Variants in ARPP19 observed in about 807,000 individuals in gnomAD.
ARPP19 encodes the protein cAMP regulated phosphoprotein 19.
ARPP19 carries 8 observed loss-of-function variants against 12.0 expected under a neutral mutation model. The ratio of observed to expected loss-of-function variants is 0.67; its 90% confidence interval spans 0.39 to 1.21. The LOEUF is 1.21. ARPP19 is among the 50% of genes most tolerant of loss of function. The probability of loss-of-function intolerance (pLI) is 0.01; values close to 1 mark genes in which losing one functional copy is unlikely to be tolerated. For missense variants in ARPP19, 102 were observed against 136.3 expected (o/e 0.75, Z 1.25); for synonymous variants, 47 against 50.4 (o/e 0.93, Z 0.29).
chr15:52,567,666 CAAAT>C (rs1437592807), intron 1 of ARPP19, among the ~76,000 whole-genome samples: 1 of 152,112 alleles, frequency 6.6e-6, no homozygotes, highest in African/African-American at 2.4e-5. Context: ...GGGATATTCT[CAAAT>C]AATGTGGTAA....
Position 52,568,846 on chromosome 15 carries a change from A to C in ARPP19, c.45+2T>G. ...CCCAGGGCTCACGCCCCGCGCGCTC[A>C]CCTTCTGCTCCTCCGCGGAGGCTGC... On this transcript the variant is annotated splice_donor_variant, in intron 1 of 2. Transcript: ENST00000249822. LOFTEE classifies it high-confidence loss of function. 1 of 1,569,620 alleles carries C rather than the reference A, an allele frequency of 6.4e-7. No individual in the cohort carries two copies. Among genetic ancestry groups the C allele is most frequent in the Non-Finnish European group, 8.6e-7 (1 of 1,162,188 alleles).
rs1023656906 is a variant in ARPP19 at position 52,551,343 on chromosome 15, A to T, written c.*591T>A. 5 of 152,748 alleles carry T rather than the reference A, an allele frequency of 3.3e-5. No homozygotes were observed. Among genetic ancestry groups the T allele is most frequent in the African/African-American group, 1.2e-4 (5 of 41,472 alleles). 9.5% of individuals were successfully genotyped at this position (152,748 alleles called of 1,614,324 possible). On this transcript the variant is annotated 3_prime_UTR_variant, in exon 3 of 3. Transcript: ENST00000249822. ...TTCAACGGCAGCTGTTAAGCACTAGAGTCACATAAGTTACACCAGAATGGG... is the reference window on the plus strand; with the variant it reads ...TTCAACGGCAGCTGTTAAGCACTAGTGTCACATAAGTTACACCAGAATGGG...
Position 52,550,964 on chromosome 15 carries a change from A to G in ARPP19, c.*970T>C, listed in dbSNP as rs1188005124. The G allele has an allele frequency of 6.5e-6, 1 of 152,722 alleles. No homozygotes were observed. The highest frequency in any genetic ancestry group is 2.4e-5 in the African/African-American group (1 of 41,482). The allele number at this position is 152,722 out of a possible 1,614,324, so 9.5% of individuals were successfully genotyped here. A position where few individuals can be genotyped will look rare whatever the true frequency, so the allele number is the denominator to read the frequency against. The stretch of plus-strand genomic sequence containing the variant: ...TGCCTAAGCAACATATCGTATTTGC[A>G]CAAGGCCACTGAATGTCATGGATAT... On this transcript the variant is annotated 3_prime_UTR_variant, in exon 3 of 3. Transcript: ENST00000249822.
At chr15:52,569,036 G>A, upstream of ARPP19, 1 of 629,250 alleles carries the variant, frequency 1.6e-6, no homozygotes, top group Non-Finnish European at 2.8e-6. Context: ...ATGACGACAC[G>A]GAGCCGCGAA....
chr15:52,557,098 AC>A lies in ARPP19; in HGVS notation c.168+1del. 1 of 1,611,670 alleles carries A rather than the reference AC, an allele frequency of 6.2e-7. No homozygotes were observed. The highest frequency in any genetic ancestry group is 8.5e-7 in the Non-Finnish European group (1 of 1,179,772). On this transcript the variant is annotated splice_donor_variant, in intron 2 of 2. Transcript: ENST00000249822. LOFTEE classifies it high-confidence loss of function. ...ATTTGGAAATTACCCATGAGAACTTACCCCTTTCTGCAACCGTTTCCTTAAG... is the reference window on the plus strand; with the variant it reads ...ATTTGGAAATTACCCATGAGAACTTACCCTTTCTGCAACCGTTTCCTTAAG...
chr15:52,568,946 G>A lies in ARPP19; in HGVS notation c.-54C>T, dbSNP rs953406710. 1.2e-5 allele frequency: 14 copies of A among 1,147,638 alleles called. No homozygotes were observed. The highest frequency in any genetic ancestry group is 2.4e-4 in the Middle Eastern group (1 of 4,154). 71.1% of individuals were successfully genotyped at this position (1,147,638 alleles called of 1,614,324 possible). On this transcript the variant is annotated 5_prime_UTR_variant, in exon 1 of 3. Coordinates refer to ENST00000249822, the MANE Select transcript of ARPP19 (RefSeq NM_006628.6). ...GAAAAGATGCAATTAGCGGGTGGCC[G>A]AGGCCACCCGGCCGCCGCCCGTCCC...
At chr15:52,568,603 G>A (rs931651283) in intron 1 of ARPP19, 40 of 453,628 alleles carry the variant, frequency 8.8e-5, no homozygotes, top group African/African-American at 7.3e-4. Context: ...AAGTGACTGA[G>A]GAACACCGCG....
chr15:52,558,420 A>T (rs1052726798), intron 1 of ARPP19, among the ~76,000 whole-genome samples: 14 of 151,316 alleles, frequency 9.3e-5, no homozygotes, highest in Non-Finnish European at 2.1e-4. Flanking sequence ...ACTGCACTCT[A>T]GCCTGGGTGC....
rs1292200204 is a variant in ARPP19 at position 52,548,395 on chromosome 15, G to A, written c.*3539C>T. 1 of 152,108 alleles carries A rather than the reference G, an allele frequency of 6.6e-6. No individual in the cohort carries two copies. The highest frequency in any genetic ancestry group is 1.5e-5 in the Non-Finnish European group (1 of 68,178). 9.4% of individuals were successfully genotyped at this position (152,108 alleles called of 1,614,324 possible). On this transcript the variant is annotated 3_prime_UTR_variant, in exon 3 of 3. Transcript: ENST00000249822. Reference sequence around the variant, plus strand: ...CCAGCTACTTGGGAGGCTGAGGCAGGAGAACTGCTTGAACCCAGGAGGCAG... The same window carrying A: ...CCAGCTACTTGGGAGGCTGAGGCAGAAGAACTGCTTGAACCCAGGAGGCAG...
rs776150163 is a variant in ARPP19, at chr15:52,547,462, CATA to C, written c.*4469_*4471del. On this transcript the variant is annotated 3_prime_UTR_variant, in exon 3 of 3. Transcript: ENST00000249822. ...AGTGATGCAGTAACAGATCCAAGGGCATAATATTAAATATGTTTTTTTCCAACT... is the reference window on the plus strand; with the variant it reads ...AGTGATGCAGTAACAGATCCAAGGGCATATTAAATATGTTTTTTTCCAACT... The C allele has an allele frequency of 4.3e-4, 66 of 152,226 alleles. No homozygotes were observed. The highest frequency in any genetic ancestry group is 1.5e-3 in the African/African-American group (61 of 41,520). 9.4% of individuals were successfully genotyped at this position (152,226 alleles called of 1,614,324 possible).
At chr15:52,562,700 C>T (rs1290498317) in intron 1 of ARPP19, among the ~76,000 whole-genome samples, 1 of 151,758 alleles carries the variant, frequency 6.6e-6, no homozygotes, top group Non-Finnish European at 1.5e-5. Flanking sequence ...CTCTCAAGGG[C>T]TTATATCAGA....
rs1309116715 is a variant in ARPP19, at chr15:52,564,253, A to T, written c.45+4595T>A. On this transcript the variant is annotated intron_variant, in intron 1 of 2. Coordinates refer to ENST00000249822, the MANE Select transcript of ARPP19 (RefSeq NM_006628.6). Reference sequence around the variant, plus strand: ...GGAGCATGTTGTGTTCACTCTGAATAGAAATAGAAAACATGGATGAGGCGG... The same window carrying T: ...GGAGCATGTTGTGTTCACTCTGAATTGAAATAGAAAACATGGATGAGGCGG... The T allele has an allele frequency of 8.5e-6, 13 of 1,532,354 alleles. No individual in the cohort carries two copies. In the East Asian group the frequency reaches 1.2e-4, roughly 14 times the overall value. The allele number at this position is 1,532,354 out of a possible 1,614,324, so 94.9% of individuals were successfully genotyped here.
chr15:52,569,274 A>G (rs2078119607), upstream of ARPP19: 1 of 274,332 alleles, frequency 3.6e-6, no homozygotes, highest in South Asian at 3.8e-5. Flanking sequence ...TTTCCTGTCC[A>G]CTCTGGTCCC....
At chr15:52,561,843 A>G (rs1311497356) in intron 1 of ARPP19, among the ~76,000 whole-genome samples, 2 of 151,460 alleles carry the variant, frequency 1.3e-5, no homozygotes, top group African/African-American at 4.8e-5. Flanking sequence ...ACAAGGACAT[A>G]GGTTGAAAGT....
At chr15:52,562,835 C>G (rs1270665512) in intron 1 of ARPP19, among the ~76,000 whole-genome samples, 3 of 146,932 alleles carry the variant, frequency 2.0e-5, no homozygotes, top group Non-Finnish European at 3.0e-5. Context: ...AAAGGGCCAA[C>G]AAAGGGGGTG....
Position 52,547,865 on chromosome 15 carries a change from A to T in ARPP19, c.*4069T>A, listed in dbSNP as rs1304245498. 6.6e-6 allele frequency: 1 copy of T among 152,236 alleles called. No individual in the cohort carries two copies. The highest frequency in any genetic ancestry group is 1.5e-5 in the Non-Finnish European group (1 of 68,042). The allele number at this position is 152,236 out of a possible 1,614,324, so 9.4% of individuals were successfully genotyped here. On this transcript the variant is annotated 3_prime_UTR_variant, in exon 3 of 3. Coordinates refer to ENST00000249822, the MANE Select transcript of ARPP19 (RefSeq NM_006628.6). ...AAGGAACAATGACTCATTAGCCCTA[A>T]ATACAATTTAATGAGTGCCATCAAT... is the stretch of plus-strand genomic sequence containing the variant.
intron 1 of ARPP19, among the ~76,000 whole-genome samples, chr15:52,567,690 T>C (rs186346668): frequency 3.9e-5 from 6 of 152,312 alleles, no homozygotes; most frequent in Admixed American, 3.3e-4. Context: ...ACTTGGACTT[T>C]TACCTATGCT....
chr15:52,567,511 A>T (rs1391102588), intron 1 of ARPP19, among the ~76,000 whole-genome samples: 1 of 152,218 alleles, frequency 6.6e-6, no homozygotes, highest in Non-Finnish European at 1.5e-5. Context: ...GGGGCTCCTA[A>T]ATTTCAAGCA....
At chr15:52,569,086 C>G (rs2078117500), upstream of ARPP19, 5 of 562,412 alleles carry the variant, frequency 8.9e-6, no homozygotes, top group South Asian at 1.1e-4. Flanking sequence ...CGGAGCCCGC[C>G]TGCCCCTCCC....
Sources: allele counts gnomAD v4.1 joint callset (sites outside exome capture counted in the v4.1 genomes callset), GRCh38; gene constraint gnomAD v4.1.1; transcripts MANE v1.5; gene names NCBI Gene and HGNC (gene_info 2026-07-23, HGNC 2026-07-21).